Variants in SCRG1 observed in about 807,000 individuals in gnomAD.
SCRG1 encodes scrapie-responsive protein 1.
Under a neutral mutation model 7.7 loss-of-function variants are expected in SCRG1, and 3 were observed. That is an observed-to-expected ratio of 0.39 (90% CI 0.18 to 1.01). SCRG1 has a LOEUF of 1.01. SCRG1 is among the 50% of genes least tolerant of loss of function. The probability of loss-of-function intolerance (pLI) is 0.36; values close to 1 mark genes in which losing one functional copy is unlikely to be tolerated. For missense variants in SCRG1, 110 were observed against 117.2 expected (o/e 0.94, Z 0.28); for synonymous variants, 46 against 41.2 (o/e 1.12, Z -0.44).
chr4:173,503,984 A>T, the SCRG1 span, among the ~76,000 whole-genome samples: 2 of 152,166 alleles, frequency 1.3e-5, no homozygotes, highest in Admixed American at 6.5e-5. The surrounding 1 kb of genome is among the most constrained non-coding windows in gnomAD (Gnocchi z 6.4). Context: ...AGCACGGTGT[A>T]GTCTAATTGT....
At chr4:173,444,743 C>T in the SCRG1 span, among the ~76,000 whole-genome samples, 2 of 152,156 alleles carry the variant, frequency 1.3e-5, no homozygotes, top group African/African-American at 4.8e-5. Flanking sequence ...GTTAGAGCCT[C>T]TCCCTTGTTT....
the SCRG1 span, among the ~76,000 whole-genome samples, chr4:173,495,281 G>A: frequency 3.3e-5 from 5 of 152,334 alleles, no homozygotes; most frequent in African/African-American, 1.2e-4. Flanking sequence ...TGCACATATG[G>A]ATATAATGAA....
At chr4:173,449,773 T>C in the SCRG1 span, among the ~76,000 whole-genome samples, 5 of 152,208 alleles carry the variant, frequency 3.3e-5, no homozygotes, top group African/African-American at 1.2e-4. Flanking sequence ...TATTCTGCCA[T>C]TTGACATTTT....
the SCRG1 span, among the ~76,000 whole-genome samples, chr4:173,505,963 A>G: frequency 6.6e-6 from 1 of 152,198 alleles, no homozygotes; most frequent in Non-Finnish European, 1.5e-5. This position sits in a 1 kb window ranked among gnomAD's most constrained non-coding sequence, Gnocchi z 4.4. Flanking sequence ...CTTGGAAGTT[A>G]GGAACCAAGT....
At chr4:173,484,503 T>TTATATATTATATACATATAATATATAA in the SCRG1 span, among the ~76,000 whole-genome samples, 39 of 39,798 alleles carry the variant, frequency 9.8e-4, 1 homozygote, top group African/African-American at 3.5e-3. Flanking sequence ...ATAATATATA[T>TTATATATTATATACATATAATATATAA]TATATATTAT....
the SCRG1 span, among the ~76,000 whole-genome samples, chr4:173,483,514 AT>A: frequency 6.3e-4 from 8 of 12,644 alleles, no homozygotes; most frequent in African/African-American, 1.6e-3. Context: ...CTGATATATA[AT>A]ATATATTATA....
upstream of SCRG1, among the ~76,000 whole-genome samples, chr4:173,408,991 C>CAAA (rs991902394): frequency 2.5e-4 from 13 of 51,206 alleles, no homozygotes; most frequent in African/African-American, 3.8e-4. Context: ...GACTCAGTCT[C>CAAA]AAAAAAAAAA....
the SCRG1 span, among the ~76,000 whole-genome samples, chr4:173,422,755 A>T: frequency 6.6e-6 from 1 of 152,216 alleles, no homozygotes; most frequent in Admixed American, 6.5e-5. Flanking sequence ...CTTGAATTGA[A>T]AAAGTTTTAT....
chr4:173,448,573 C>T, the SCRG1 span, among the ~76,000 whole-genome samples: 1 of 152,178 alleles, frequency 6.6e-6, no homozygotes, highest in Non-Finnish European at 1.5e-5. Flanking sequence ...AAAGTTGTGT[C>T]CCTAGAAAAG....
At chr4:173,427,552 T>C in the SCRG1 span, among the ~76,000 whole-genome samples, 1 of 152,252 alleles carries the variant, frequency 6.6e-6, no homozygotes, top group Admixed American at 6.5e-5. Flanking sequence ...ATTTCTTGCA[T>C]AGGGCCACAC....
the SCRG1 span, among the ~76,000 whole-genome samples, chr4:173,416,792 A>T: frequency 6.6e-6 from 1 of 151,972 alleles, no homozygotes; most frequent in Admixed American, 6.6e-5. Flanking sequence ...CCTCAGAGTG[A>T]TGGTTTCTGA....
chr4:173,465,641 T>TG, the SCRG1 span, among the ~76,000 whole-genome samples: 1 of 151,426 alleles, frequency 6.6e-6, no homozygotes, highest in Admixed American at 6.6e-5. Context: ...TACATATATA[T>TG]ATTTTTTGTA....
the SCRG1 span, among the ~76,000 whole-genome samples, chr4:173,437,426 A>G: frequency 1.3e-5 from 2 of 152,252 alleles, no homozygotes; most frequent in African/African-American, 2.4e-5. Flanking sequence ...AGAAAGGCCC[A>G]AACATTTAGC....
upstream of SCRG1, among the ~76,000 whole-genome samples, chr4:173,406,970 G>T (rs767561906): frequency 8.5e-5 from 13 of 152,148 alleles, no homozygotes; most frequent in Non-Finnish European, 1.8e-4. Context: ...CACTTTGGGG[G>T]GCCGAGATGG....
the SCRG1 span, among the ~76,000 whole-genome samples, chr4:173,518,566 A>G: frequency 3.3e-5 from 5 of 152,070 alleles, no homozygotes; most frequent in African/African-American, 1.2e-4. Context: ...AGGCCTCAGT[A>G]CAGCCTTCGG....
chr4:173,465,577 T>A, the SCRG1 span, among the ~76,000 whole-genome samples: 1 of 151,592 alleles, frequency 6.6e-6, no homozygotes, highest in African/African-American at 2.4e-5. Flanking sequence ...TATAATTAAG[T>A]TGTGTTATTT....
chr4:173,497,413 G>T, the SCRG1 span, among the ~76,000 whole-genome samples: 1 of 151,984 alleles, frequency 6.6e-6, no homozygotes, highest in Non-Finnish European at 1.5e-5. Flanking sequence ...AGATGATAAA[G>T]GAAAAGACTA....
At chr4:173,448,560 G>T in the SCRG1 span, among the ~76,000 whole-genome samples, 1 of 152,200 alleles carries the variant, frequency 6.6e-6, no homozygotes, top group Non-Finnish European at 1.5e-5. Context: ...TTGAAATACC[G>T]GAAAAGTTGT....
At chr4:173,388,598 C>T (rs535734268) in intron 2 of SCRG1, among the ~76,000 whole-genome samples, 1 of 152,078 alleles carries the variant, frequency 6.6e-6, no homozygotes, top group Non-Finnish European at 1.5e-5. Flanking sequence ...CTACTTTCCC[C>T]GCATTTGCCA....
Sources: gnomAD v4.1 joint callset for allele counts (sites outside exome capture counted in the v4.1 genomes callset) on GRCh38, gnomAD v4.1.1 for gene constraint, Gnocchi (gnomAD v3.1) non-coding constraint, MANE v1.5 for transcripts, NCBI Gene and HGNC (gene_info 2026-07-23, HGNC 2026-07-21) for gene names.